The following FOXP1 variants were observed in gnomAD, a reference collection of about 807,000 sequenced individuals.
FOXP1 encodes the protein forkhead box P1.
Under a neutral mutation model 98.2 loss-of-function variants are expected in FOXP1, and 15 were observed. The observed-to-expected ratio is 0.15, with a 90% CI of 0.10 to 0.24. The LOEUF is 0.24. Among genes scored for constraint, FOXP1 ranks in the 10% least tolerant of loss-of-function variants. The pLI is 1.00. For missense variants in FOXP1, 633 were observed against 848.5 expected (o/e 0.75, Z 3.15); for synonymous variants, 371 against 314.5 (o/e 1.18, Z -1.90).
chr3:71,108,287 A>G (rs1267784755), intron 7 of FOXP1, among the ~76,000 whole-genome samples: 1 of 152,238 alleles, frequency 6.6e-6, no homozygotes, highest in African/African-American at 2.4e-5. Flanking sequence ...TAAAGAACCA[A>G]GATGAATTAC....
intron 5 of FOXP1, among the ~76,000 whole-genome samples, chr3:71,294,098 T>C (rs997178079): frequency 2.2e-4 from 33 of 152,194 alleles, no homozygotes; most frequent in Non-Finnish European, 3.8e-4. Context: ...TTTGTTGTTA[T>C]CAGGGGATGG....
intron 20 of FOXP1, among the ~76,000 whole-genome samples, chr3:70,962,023 G>C (rs1372459138): frequency 6.6e-6 from 1 of 152,188 alleles, no homozygotes; most frequent in African/African-American, 2.4e-5. Context: ...CTTTTAGGAA[G>C]AATTAGTTAT....
In FOXP1 at chr3:71,039,965, C is replaced by T. The variant is rs569112412; in HGVS notation, c.869+1363G>A. On this transcript the variant is annotated intron_variant, in intron 11 of 20. Coordinates refer to ENST00000649528, the MANE Select transcript of FOXP1 (RefSeq NM_001349338.3). ...ATGCTTAATGCATCTTTTAGTTCTT[C>T]GGTGTCTGCCTCAGAAATTCCAAAA... Among the ~76,000 whole-genome samples the T allele has an allele frequency of 1.4e-3, 211 of 152,164 alleles. 2 individuals are homozygous for T. The highest frequency in any genetic ancestry group is 4.8e-3 in the African/African-American group (200 of 41,514).
intron 6 of FOXP1, among the ~76,000 whole-genome samples, chr3:71,165,981 C>T (rs1340590319): frequency 6.6e-6 from 1 of 152,244 alleles, no homozygotes; most frequent in African/African-American, 2.4e-5. Flanking sequence ...TAAACATTCT[C>T]ACTGGATTGC....
chr3:71,085,964 G>A (rs1254080328), intron 7 of FOXP1, among the ~76,000 whole-genome samples: 3 of 151,724 alleles, frequency 2.0e-5, no homozygotes, highest in African/African-American at 2.4e-5. Flanking sequence ...TCTTGACCTC[G>A]TGATCTGCCC....
intron 6 of FOXP1, among the ~76,000 whole-genome samples, chr3:71,197,547 T>C (rs999859882): frequency 1.3e-5 from 2 of 152,284 alleles, no homozygotes; most frequent in South Asian, 4.1e-4. Flanking sequence ...TCCCAACTTA[T>C]GTACATTTTG....
At position 71,175,334 on chromosome 3, in the gene FOXP1, T is replaced by G. The variant is rs185745438; in HGVS notation, c.180+22868A>C. ...ACTTACTTCTTTGGCCCATCAAGTG[T>G]GTCTCTTTTTTGCACTGACAACACG... On this transcript the variant is annotated intron_variant, in intron 6 of 20. Coordinates refer to ENST00000649528, the MANE Select transcript of FOXP1 (RefSeq NM_001349338.3). 1.1e-4 allele frequency among the ~76,000 whole-genome samples: 16 copies of G among 152,316 alleles called. No individual in the cohort carries two copies. In the East Asian group the frequency reaches 3.1e-3, roughly 29 times the overall value.
At chr3:71,298,076 G>T (rs573078130) in intron 5 of FOXP1, among the ~76,000 whole-genome samples, 4 of 152,156 alleles carry the variant, frequency 2.6e-5, no homozygotes, top group Non-Finnish European at 5.9e-5. Flanking sequence ...TGCAACAGAG[G>T]CTGAATGCCC....
intron 4 of FOXP1, among the ~76,000 whole-genome samples, chr3:71,329,411 C>T (rs1038475656): frequency 6.6e-5 from 10 of 151,626 alleles, no homozygotes; most frequent in African/African-American, 2.4e-4. Flanking sequence ...TTAGTAGAGA[C>T]GGGGTTTCAC....
At chr3:71,071,801 C>T (rs1055984388) in intron 7 of FOXP1, among the ~76,000 whole-genome samples, 4 of 152,034 alleles carry the variant, frequency 2.6e-5, no homozygotes, top group Admixed American at 6.6e-5. Context: ...CTCAAACTCC[C>T]GACACCTCAG....
intron 19 of FOXP1, among the ~76,000 whole-genome samples, chr3:70,967,680 A>ATT (rs2035132938): frequency 3.0e-5 from 1 of 33,168 alleles, no homozygotes; most frequent in African/African-American, 9.8e-5. Flanking sequence ...CAGAACTACT[A>ATT]TTATTTGTTT....
chr3:71,433,090 G>A (rs1192686961), intron 3 of FOXP1, among the ~76,000 whole-genome samples: 2 of 152,018 alleles, frequency 1.3e-5, no homozygotes, highest in South Asian at 4.2e-4. Flanking sequence ...TCTTCTCAGC[G>A]ATGGGCAAAT....
chr3:71,027,793 T>C (rs1250138759), intron 11 of FOXP1, among the ~76,000 whole-genome samples: 1 of 152,192 alleles, frequency 6.6e-6, no homozygotes, highest in African/African-American at 2.4e-5. Flanking sequence ...GGAATATATA[T>C]TAGAAACATG....
chr3:71,081,089 G>C (rs1243390647), intron 7 of FOXP1, among the ~76,000 whole-genome samples: 1 of 152,178 alleles, frequency 6.6e-6, no homozygotes, highest in Non-Finnish European at 1.5e-5. Context: ...AGTATATACT[G>C]CTTAACGCTA....
At chr3:71,462,587 T>C (rs934032522) in intron 3 of FOXP1, among the ~76,000 whole-genome samples, 2 of 152,190 alleles carry the variant, frequency 1.3e-5, no homozygotes, top group African/African-American at 4.8e-5. Context: ...CGTGTAAAGC[T>C]GAAATTTCAC....
chr3:71,024,210 C>T (rs909406714), intron 11 of FOXP1, among the ~76,000 whole-genome samples: 7 of 152,130 alleles, frequency 4.6e-5, no homozygotes, highest in African/African-American at 1.4e-4. Context: ...ATGCAAGGGC[C>T]GCATGCGTTT....
chr3:71,016,200 G>A (rs1180580898), intron 11 of FOXP1, among the ~76,000 whole-genome samples: 1 of 151,666 alleles, frequency 6.6e-6, no homozygotes, highest in African/African-American at 2.4e-5. Context: ...CAGATGATTC[G>A]TGTTTTTTTT....
rs1560425275 is a variant in FOXP1 at position 71,397,025 on chromosome 3, CATATATATGTGTATATATAT to C, written c.-167-37801_-167-37782del. ...ATATATGTGTATATATATATATATACATATATATGTGTATATATATATACACATATATATGTGTATATATA... is the reference window on the plus strand; with the variant it reads ...ATATATGTGTATATATATATATATACATACACATATATATGTGTATATATA... On this transcript the variant is annotated intron_variant, in intron 3 of 20. Coordinates refer to ENST00000649528, the MANE Select transcript of FOXP1 (RefSeq NM_001349338.3). 1.2e-4 allele frequency among the ~76,000 whole-genome samples: 2 copies of C among 17,014 alleles called. 1 individual carries two copies. Among genetic ancestry groups the C allele is most frequent in the South Asian group, 2.7e-3 (2 of 740 alleles). The allele number at this position is 17,014 out of a possible 152,430, so 11.2% of individuals were successfully genotyped here.
intron 14 of FOXP1, among the ~76,000 whole-genome samples, chr3:70,984,850 C>T (rs1055138365): frequency 6.6e-5 from 10 of 152,118 alleles, no homozygotes; most frequent in African/African-American, 9.7e-5. Context: ...CCGAGATGAG[C>T]GTATCCTCTA....
Sources: allele counts gnomAD v4.1 joint callset (sites outside exome capture counted in the v4.1 genomes callset), GRCh38; gene constraint gnomAD v4.1.1; transcripts MANE v1.5; gene names NCBI Gene and HGNC (gene_info 2026-07-23, HGNC 2026-07-21).